RAI1: variants seen among roughly 807,000 people sequenced by gnomAD.
The protein encoded by RAI1 is retinoic acid induced 1.
RAI1 carries 9 observed loss-of-function variants against 123.8 expected under a neutral mutation model. The observed-to-expected ratio is 0.07, with a 90% CI of 0.04 to 0.13. The LOEUF (loss-of-function observed/expected upper bound fraction) is 0.13, where lower values mean the gene tolerates loss of function less well. Among genes scored for constraint, RAI1 ranks in the 10% least tolerant of loss-of-function variants. The pLI, the probability that RAI1 is intolerant of heterozygous loss-of-function variation, is 1.00. For synonymous variants in RAI1, 1,231 were observed against 1,127.3 expected (o/e 1.09, Z -1.84); for missense variants, 2,256 against 2,545.8 (o/e 0.89, Z 2.45).
At chr17:17,694,006 C>T (rs1914926155) in intron 1 of RAI1, among the ~76,000 whole-genome samples, 1 of 152,236 alleles carries the variant, frequency 6.6e-6, no homozygotes, top group South Asian at 2.1e-4. Flanking sequence ...GTAGGACTCG[C>T]TGGCTTAGGA....
At position 17,795,051 on chromosome 17, in the gene RAI1, G is replaced by C. The variant is rs1159170101; in HGVS notation, c.2103G>C (p.Lys701Asn). The change falls in exon 3 of 6, where the codon AAG (lysine) becomes AAC (asparagine). Residue 701 changes from lysine to asparagine, a missense_variant. By Grantham distance (94) the Lys-to-Asn change is moderately conservative. Transcript: ENST00000353383. This position sits in a 1 kb window ranked among gnomAD's most constrained non-coding sequence, Gnocchi z 5.9. Reference protein sequence around the residue: ...SVAFATPDPKKTTGPLSFGTK... With the variant: ...SVAFATPDPKNTTGPLSFGTK... ...CCTTCGCTACGCCTGACCCCAAAAA[G>C]ACAACTGGTCCTCTCTCCTTTGGTA... The C allele has an allele frequency of 6.2e-7, 1 of 1,614,170 alleles. No individual in the cohort carries two copies. Among genetic ancestry groups the C allele is most frequent in the Admixed American group, 1.7e-5 (1 of 60,028 alleles).
intron 2 of RAI1, chr17:17,776,994 T>G (rs971773564): frequency 6.6e-6 from 1 of 152,220 alleles, no homozygotes; most frequent in South Asian, 2.1e-4. Context: ...GCACTTTTTT[T>G]CACCAACTTG....
At chr17:17,729,113 C>G (rs1326265514) in intron 2 of RAI1, among the ~76,000 whole-genome samples, 1 of 152,186 alleles carries the variant, frequency 6.6e-6, no homozygotes, top group African/African-American at 2.4e-5. Context: ...CCACCTTGCT[C>G]CTCCCCAACA....
Position 17,795,070 on chromosome 17 carries a change from T to G in RAI1, c.2122T>G (p.Phe708Val), listed in dbSNP as rs372246981. 6.2e-7 allele frequency: 1 copy of G among 1,614,138 alleles called. No individual in the cohort carries two copies. The highest frequency in any genetic ancestry group is 1.7e-5 in the Admixed American group (1 of 60,030). Residue 708 changes from phenylalanine to valine, a missense_variant, in exon 3 of 6, where the codon TTT becomes GTT. Physicochemically the swap from Phe to Val is conservative, Grantham distance 50. Coordinates refer to ENST00000353383, the MANE Select transcript of RAI1 (RefSeq NM_030665.4). This position sits in a 1 kb window ranked among gnomAD's most constrained non-coding sequence, Gnocchi z 5.9. ...DPKKTTGPLS[F>V]GTKPTLGVPA... is the part of the protein sequence containing the mutation. ...CAAAAAGACAACTGGTCCTCTCTCC[T>G]TTGGTACCAAGCCCACCCTTGGGGT...
chr17:17,683,147 T>A (rs1441618717), intron 1 of RAI1, among the ~76,000 whole-genome samples: 1 of 152,220 alleles, frequency 6.6e-6, no homozygotes, highest in African/African-American at 2.4e-5. Context: ...GCAATCCAGT[T>A]TCATGCCGCT....
chr17:17,700,407 C>T (rs1351904883), intron 1 of RAI1, among the ~76,000 whole-genome samples: 1 of 151,714 alleles, frequency 6.6e-6, no homozygotes, highest in East Asian at 1.9e-4. Flanking sequence ...CTCCAGCGGC[C>T]GCGCCCCGCC....
At chr17:17,682,155 G>GGGTGC in intron 1 of RAI1, among the ~76,000 whole-genome samples, 1 of 151,542 alleles carries the variant, frequency 6.6e-6, no homozygotes, top group Non-Finnish European at 1.5e-5. Context: ...GCGTGGGGTG[G>GGGTGC]GGACGTGGGG....
At chr17:17,696,248 T>C (rs1178790795) in intron 1 of RAI1, among the ~76,000 whole-genome samples, 1 of 152,170 alleles carries the variant, frequency 6.6e-6, no homozygotes, top group Non-Finnish European at 1.5e-5. Context: ...GCTGTATATT[T>C]GGTTTTGTAA....
chr17:17,728,914 G>T (rs1916180743), intron 2 of RAI1, among the ~76,000 whole-genome samples: 1 of 152,212 alleles, frequency 6.6e-6, no homozygotes, highest in Non-Finnish European at 1.5e-5. Flanking sequence ...ACCCCTGGGA[G>T]GCTGGGGCCT....
At position 17,794,190 on chromosome 17, in the gene RAI1, C is replaced by T; in HGVS notation, c.1242C>T (p.Cys414=). The change falls in exon 3 of 6, where the codon TGC becomes TGT. Residue 414 remains cysteine (C), a synonymous_variant. Transcript: ENST00000353383. ...CTGTGGACACCCAGGCTGGCAACTG[C>T]AAGCCCCTTCAGAAGGACAAGCTCC... ...TSSVDTQAGN[C]KPLQKDKLPE... 6.2e-7 allele frequency: 1 copy of T among 1,613,728 alleles called. No homozygotes were observed. Among genetic ancestry groups the T allele is most frequent in the Non-Finnish European group, 8.5e-7 (1 of 1,180,038 alleles).
At chr17:17,759,733 C>T (rs980451741) in intron 2 of RAI1, among the ~76,000 whole-genome samples, 4 of 152,198 alleles carry the variant, frequency 2.6e-5, no homozygotes, top group Non-Finnish European at 5.9e-5. Context: ...GGGCAGAGGC[C>T]GTGCCTGGCC....
rs1428571884 is a variant in RAI1 at position 17,797,930 on chromosome 17, G to T, written c.4982G>T (p.Arg1661Leu). The T allele has an allele frequency of 3.1e-6, 5 of 1,613,858 alleles. No individual in the cohort carries two copies. The highest frequency in any genetic ancestry group is 1.7e-5 in the Admixed American group (1 of 59,996). ...TLPGGSILQP[R>L]PSLPLSSTMH... ...CCTGGAGGCTCCATCCTGCAGCCGC[G>T]GCCCTCCTTGCCCCTCTCCTCCACG... Residue 1661 changes from arginine (R) to leucine (L), a missense_variant, in exon 3 of 6, where the codon CGG becomes CTG. Arg to Leu is a moderately radical substitution (Grantham distance 102). Coordinates refer to ENST00000353383, the MANE Select transcript of RAI1 (RefSeq NM_030665.4).
intron 1 of RAI1, among the ~76,000 whole-genome samples, chr17:17,695,041 G>A (rs73292250): frequency 0.013 from 2,030 of 152,234 alleles, 51 homozygotes; most frequent in African/African-American, 0.046. Context: ...TCTGCTTACC[G>A]AGCCCGGCAA....
chr17:17,726,087 C>G (rs1402323431), intron 2 of RAI1, among the ~76,000 whole-genome samples: 1 of 152,164 alleles, frequency 6.6e-6, no homozygotes, highest in Non-Finnish European at 1.5e-5. Context: ...GTGCCTTGTT[C>G]AGGGACCTTG....
rs766190010 is a variant in RAI1, at chr17:17,778,663, C to G, written c.-16-14270C>G. 8.8e-6 allele frequency: 4 copies of G among 453,072 alleles called. 1 individual carries two copies. The highest frequency in any genetic ancestry group is 6.2e-5 in the South Asian group (4 of 64,296). The allele number at this position is 453,072 out of a possible 1,614,324, so 28.1% of individuals were successfully genotyped here. A position where few individuals can be genotyped will look rare whatever the true frequency, so the allele number is the denominator to read the frequency against. On this transcript the variant is annotated intron_variant, in intron 2 of 5. Transcript: ENST00000353383. ...CCAGCCCCTATGAGCCCTCACAGTT[C>G]ATTGGTCTGGCTGTGGTGAATCTGA... is the stretch of plus-strand genomic sequence containing the variant.
Position 17,809,894 on chromosome 17 carries a change from G to A in RAI1, c.5710-76G>A, listed in dbSNP as rs2032690846. 11 of 1,546,164 alleles carry A rather than the reference G, an allele frequency of 7.1e-6. No homozygotes were observed. The South Asian group carries it at 9.5e-5, about 13-fold the overall frequency. ...CCTGGGTCTGGGGCTTAGGCGGGGG[G>A]CCCACACTGGGGGCGGGGCCTATGG... On this transcript the variant is annotated intron_variant, in intron 5 of 5. Coordinates refer to ENST00000353383, the MANE Select transcript of RAI1 (RefSeq NM_030665.4). The surrounding 1 kb of genome is among the most constrained non-coding windows in gnomAD (Gnocchi z 4.9).
rs1299372537 is a variant in RAI1, at chr17:17,794,449, C to T, written c.1501C>T (p.Pro501Ser). 1 of 1,612,554 alleles carries T rather than the reference C, an allele frequency of 6.2e-7. No homozygotes were observed. The highest frequency in any genetic ancestry group is 8.5e-7 in the Non-Finnish European group (1 of 1,179,892). ...CGCAGGCACACCGCTGTCAGAGCCGCCGAGCAGCACGCCACAGTCCACGCA... is the reference window on the plus strand; with the variant it reads ...CGCAGGCACACCGCTGTCAGAGCCGTCGAGCAGCACGCCACAGTCCACGCA... ...EPAGTPLSEP[P>S]SSTPQSTHAE... Residue 501 changes from proline to serine, a missense_variant, in exon 3 of 6, where the codon CCG becomes TCG. Transcript: ENST00000353383.
intron 2 of RAI1, among the ~76,000 whole-genome samples, chr17:17,748,613 A>G (rs16961971): frequency 0.013 from 1,976 of 152,346 alleles, 42 homozygotes; most frequent in African/African-American, 0.043. Context: ...TGGCTTAGCC[A>G]TGATTAGAAC....
chr17:17,735,546 G>A (rs534955341), intron 2 of RAI1, among the ~76,000 whole-genome samples: 36 of 151,574 alleles, frequency 2.4e-4, no homozygotes, highest in South Asian at 1.3e-3. Context: ...TAGTAGAGTC[G>A]GGGTTTCACC....
Sources: gnomAD v4.1 joint callset for allele counts (sites outside exome capture counted in the v4.1 genomes callset) on GRCh38, gnomAD v4.1.1 for gene constraint, Gnocchi (gnomAD v3.1) non-coding constraint, MANE v1.5 for transcripts, NCBI Gene and HGNC (gene_info 2026-07-23, HGNC 2026-07-21) for gene names.